The following B3GNT3 variants were observed in gnomAD, a reference collection of about 807,000 sequenced individuals.
B3GNT3 encodes the protein UDP-GlcNAc:betaGal beta-1,3-N-acetylglucosaminyltransferase 3.
Under a neutral mutation model 11.6 loss-of-function variants are expected in B3GNT3, and 7 were observed. The observed-to-expected ratio is 0.60, with a 90% CI of 0.34 to 1.13. The LOEUF (loss-of-function observed/expected upper bound fraction) is 1.13, where lower values mean the gene tolerates loss of function less well. Among genes scored for constraint, B3GNT3 ranks in the 50% most tolerant of loss-of-function variants. The pLI is 0.03. For missense variants in B3GNT3, 400 were observed against 507.4 expected (o/e 0.79, Z 2.03); for synonymous variants, 201 against 222.1 (o/e 0.90, Z 0.85).
intron 1 of B3GNT3, among the ~76,000 whole-genome samples, chr19:17,805,913 T>A (rs1267517261): frequency 6.6e-6 from 1 of 152,066 alleles, no homozygotes; most frequent in Non-Finnish European, 1.5e-5. Context: ...TCCTCCCACC[T>A]CAGCCTCCCA....
chr19:17,808,678 C>T (rs187207623), intron 2 of B3GNT3, among the ~76,000 whole-genome samples: 50 of 152,216 alleles, frequency 3.3e-4, no homozygotes, highest in African/African-American at 1.2e-3. Context: ...CTCTCTGTGC[C>T]TCACTTTTCT....
intron 2 of B3GNT3, among the ~76,000 whole-genome samples, chr19:17,810,165 G>T (rs1183975142): frequency 6.6e-6 from 1 of 152,066 alleles, no homozygotes; most frequent in African/African-American, 2.4e-5. Context: ...AGGCGGGTAG[G>T]GGCCATGGCC....
At chr19:17,810,288 C>T (rs10401372) in intron 2 of B3GNT3, among the ~76,000 whole-genome samples, 20,677 of 151,430 alleles carry the variant, frequency 0.14, 1,509 homozygotes, top group Admixed American at 0.2. Context: ...ACCAGGAGTT[C>T]GAGACCAGCT....
chr19:17,803,823 T>C (rs535847065), intron 1 of B3GNT3, among the ~76,000 whole-genome samples: 2 of 150,272 alleles, frequency 1.3e-5, no homozygotes, highest in Non-Finnish European at 3.0e-5. Context: ...CACTCCAGCC[T>C]GGACAACAGA....
intron 1 of B3GNT3, among the ~76,000 whole-genome samples, chr19:17,798,274 T>C (rs1451466445): frequency 6.6e-6 from 1 of 152,208 alleles, no homozygotes; most frequent in Non-Finnish European, 1.5e-5. Context: ...ATCTTGGCTG[T>C]GTCCTCGGAA....
chr19:17,802,730 G>A (rs1039534003), intron 1 of B3GNT3, among the ~76,000 whole-genome samples: 1 of 152,034 alleles, frequency 6.6e-6, no homozygotes, highest in African/African-American at 2.4e-5. Context: ...TTGCCACCAG[G>A]CTGGAAGTGT....
intron 1 of B3GNT3, among the ~76,000 whole-genome samples, chr19:17,802,531 G>A (rs2094167578): frequency 6.6e-6 from 1 of 152,114 alleles, no homozygotes; most frequent in Admixed American, 6.6e-5. Context: ...CAGCAGTGCT[G>A]GGGCTAGGTG....
chr19:17,810,434 A>T (rs2094179163), intron 2 of B3GNT3, among the ~76,000 whole-genome samples: 1 of 152,050 alleles, frequency 6.6e-6, no homozygotes, highest in African/African-American at 2.4e-5. Context: ...AAAACCCTTT[A>T]AAAGTGTGTG....
At position 17,807,816 on chromosome 19, in the gene B3GNT3, T is replaced by G; in HGVS notation, c.9T>G (p.Tyr3Ter). The G allele has an allele frequency of 6.2e-7, 1 of 1,606,806 alleles. No homozygotes were observed. Among genetic ancestry groups the G allele is most frequent in the Non-Finnish European group, 8.5e-7 (1 of 1,174,798 alleles). Reference sequence around the variant, plus strand: ...GACCCTGGCTGGCCAGGATGAAGTATCTCCGGCACCGGCGGCCCAATGCCA... The same window carrying G: ...GACCCTGGCTGGCCAGGATGAAGTAGCTCCGGCACCGGCGGCCCAATGCCA... MK[Y>*]LRHRRPNATL... is the part of the protein sequence containing the mutation. Residue 3 changes from tyrosine (Y) to a stop codon, truncating the protein, a stop_gained, in exon 2 of 3, where the codon TAT becomes TAG. Transcript: ENST00000318683. LOFTEE classifies it high-confidence loss of function.
intron 1 of B3GNT3, among the ~76,000 whole-genome samples, chr19:17,799,316 T>G (rs2094163105): frequency 6.9e-6 from 1 of 145,354 alleles, no homozygotes. Flanking sequence ...TTACCCGGGC[T>G]GGAGTGCAGT....
chr19:17,801,848 G>A (rs1206584583), intron 1 of B3GNT3, among the ~76,000 whole-genome samples: 1 of 152,132 alleles, frequency 6.6e-6, no homozygotes, highest in East Asian at 1.9e-4. Flanking sequence ...AACACTTTGG[G>A]AGGCTGAGGT....
intron 1 of B3GNT3, among the ~76,000 whole-genome samples, chr19:17,804,678 C>T (rs981138964): frequency 6.6e-6 from 1 of 151,302 alleles, no homozygotes; most frequent in East Asian, 1.9e-4. Flanking sequence ...GCTGGGATTA[C>T]AGGCATGAGC....
chr19:17,804,533 C>CCTATTTTT (rs987013912), intron 1 of B3GNT3, among the ~76,000 whole-genome samples: 12 of 57,014 alleles, frequency 2.1e-4, no homozygotes, highest in Non-Finnish European at 2.8e-4. Flanking sequence ...CCGTGCCCAG[C>CCTATTTTT]TTTTTTTTTT....
chr19:17,798,214 CCT>C (rs941144684), intron 1 of B3GNT3, among the ~76,000 whole-genome samples: 1 of 152,202 alleles, frequency 6.6e-6, no homozygotes, highest in African/African-American at 2.4e-5. Flanking sequence ...TTCTCTGTCC[CCT>C]GTTAGTGGTG....
intron 1 of B3GNT3, among the ~76,000 whole-genome samples, chr19:17,798,038 G>A (rs876237): frequency 0.087 from 13,277 of 152,068 alleles, 1,897 homozygotes; most frequent in African/African-American, 0.3. Flanking sequence ...TGCACAGATC[G>A]TCCACCTGGA....
intron 1 of B3GNT3, among the ~76,000 whole-genome samples, chr19:17,804,958 C>T (rs1466798439): frequency 4.0e-5 from 6 of 151,402 alleles, no homozygotes; most frequent in Non-Finnish European, 8.8e-5. Context: ...CAATCTCCCC[C>T]CACCCAGCCT....
Position 17,811,960 on chromosome 19 carries a change from G to C in B3GNT3, c.957G>C (p.Thr319=). 1 of 1,609,668 alleles carries C rather than the reference G, an allele frequency of 6.2e-7. No homozygotes were observed. The highest frequency in any genetic ancestry group is 8.5e-7 in the Non-Finnish European group (1 of 1,180,022). The change falls in exon 3 of 3, where the codon ACG becomes ACC. Residue 319 remains threonine, a synonymous_variant. Transcript: ENST00000318683. This position sits in a 1 kb window ranked among gnomAD's most constrained non-coding sequence, Gnocchi z 4.1. The stretch of plus-strand genomic sequence containing the variant: ...CTGCCTCCCACAGCGGCATCCGCAC[G>C]TCTGGCGTGCGGGCTCCATCGCAAC... The part of the protein sequence containing the change: ...LKPASHSGIR[T]SGVRAPSQRL...
intron 2 of B3GNT3, among the ~76,000 whole-genome samples, chr19:17,809,381 C>T (rs2147654238): frequency 6.6e-6 from 1 of 151,860 alleles, no homozygotes. Context: ...TGAGGCCAGC[C>T]TGAGCCACAT....
chr19:17,803,009 A>AT (rs71164307), intron 1 of B3GNT3, among the ~76,000 whole-genome samples: 19,428 of 146,388 alleles, frequency 0.13, 1,312 homozygotes, highest in Middle Eastern at 0.19. Context: ...GTGTTAAAGG[A>AT]TTTTTTTTTT....
Sources: allele counts gnomAD v4.1 joint callset (sites outside exome capture counted in the v4.1 genomes callset), GRCh38; gene constraint gnomAD v4.1.1; non-coding constraint Gnocchi (gnomAD v3.1); transcripts MANE v1.5; gene names NCBI Gene and HGNC (gene_info 2026-07-23, HGNC 2026-07-21).